Variants in LDB2 observed in about 807,000 individuals in gnomAD.
LDB2 encodes LIM domain binding 2.
A neutral mutation model predicts 44.3 loss-of-function variants in LDB2; 12 were observed. The observed-to-expected ratio is 0.27, with a 90% confidence interval of 0.17 to 0.44. LDB2 has a LOEUF of 0.44. Ranked by LOEUF, LDB2 falls within the 20% of genes least tolerant of loss-of-function variation. The pLI is 1.00. For synonymous variants in LDB2, 164 were observed against 174.8 expected, an observed-to-expected ratio of 0.94 and a Z score of 0.49; for missense variants, 344 against 473.5, an observed-to-expected ratio of 0.73 and a Z score of 2.54.
chr4:16,606,228 A>T (rs1339111948), intron 2 of LDB2, among the ~76,000 whole-genome samples: 2 of 152,238 alleles, frequency 1.3e-5, no homozygotes, highest in African/African-American at 2.4e-5. Context: ...ATGTTAGTGT[A>T]CATAAGAAGA....
At chr4:16,868,023 C>T (rs1047972761) in intron 1 of LDB2, among the ~76,000 whole-genome samples, 1 of 152,196 alleles carries the variant, frequency 6.6e-6, no homozygotes, top group South Asian at 2.1e-4. Context: ...GAAAGATTGT[C>T]ATTATAAAGC....
chr4:16,694,636 C>A (rs1751664188), intron 2 of LDB2, among the ~76,000 whole-genome samples: 1 of 151,492 alleles, frequency 6.6e-6, no homozygotes, highest in South Asian at 2.1e-4. Context: ...CGGCTTGAAA[C>A]TTATGATGGG....
chr4:16,575,356 T>TA (rs920151322), intron 5 of LDB2, among the ~76,000 whole-genome samples: 5 of 151,908 alleles, frequency 3.3e-5, no homozygotes, highest in South Asian at 2.1e-4. Context: ...ACATAATGCT[T>TA]AAAAAAAATA....
chr4:16,851,293 T>C (rs1013576742), intron 1 of LDB2, among the ~76,000 whole-genome samples: 3 of 151,772 alleles, frequency 2.0e-5, no homozygotes, highest in Non-Finnish European at 4.4e-5. Flanking sequence ...AAGGAGAGAA[T>C]GCAAAGGATT....
intron 2 of LDB2, among the ~76,000 whole-genome samples, chr4:16,757,067 C>G (rs1561120939): frequency 6.6e-6 from 1 of 152,108 alleles, no homozygotes; most frequent in Non-Finnish European, 1.5e-5. Context: ...CAGCTTCTAG[C>G]CCCAGGACAG....
At chr4:16,608,297 A>G (rs541420225) in intron 2 of LDB2, among the ~76,000 whole-genome samples, 1 of 152,196 alleles carries the variant, frequency 6.6e-6, no homozygotes, top group African/African-American at 2.4e-5. Flanking sequence ...GGAAATGAGA[A>G]GCAGTAAAAA....
chr4:16,837,318 C>T (rs1009936385), intron 1 of LDB2, among the ~76,000 whole-genome samples: 1 of 152,114 alleles, frequency 6.6e-6, no homozygotes, highest in African/African-American at 2.4e-5. Context: ...ATATGTGAAG[C>T]ATCAACTTCC....
At chr4:16,742,163 T>C (rs969300300) in intron 2 of LDB2, among the ~76,000 whole-genome samples, 1 of 151,086 alleles carries the variant, frequency 6.6e-6, no homozygotes, top group South Asian at 2.1e-4. Context: ...TCTCCGCCTT[T>C]CGGGTTCAAG....
At chr4:16,849,487 T>G (rs1458599612) in intron 1 of LDB2, among the ~76,000 whole-genome samples, 2 of 152,198 alleles carry the variant, frequency 1.3e-5, no homozygotes, top group Non-Finnish European at 2.9e-5. Context: ...CAGTTACACT[T>G]TATCATGACC....
At chr4:16,514,044 C>A (rs752488174) in intron 5 of LDB2, among the ~76,000 whole-genome samples, 22 of 152,182 alleles carry the variant, frequency 1.4e-4, no homozygotes, top group Non-Finnish European at 3.1e-4. Flanking sequence ...AACGGAGAGA[C>A]AAAGAAGAAT....
intron 2 of LDB2, among the ~76,000 whole-genome samples, chr4:16,710,228 GAAAA>G (rs964306375): frequency 1.3e-5 from 2 of 152,178 alleles, no homozygotes; most frequent in Non-Finnish European, 2.9e-5. Context: ...CATATCAGCT[GAAAA>G]CAGCAGGATG....
chr4:16,812,631 A>ATGTGTGTG (rs5856389), intron 1 of LDB2, among the ~76,000 whole-genome samples: 10,651 of 125,816 alleles, frequency 0.085, 530 homozygotes, highest in Non-Finnish European at 0.1. Flanking sequence ...TATTAAATAT[A>ATGTGTGTG]TGTGTGTGTG....
chr4:16,868,119 T>C (rs535839235), intron 1 of LDB2, among the ~76,000 whole-genome samples: 2 of 152,332 alleles, frequency 1.3e-5, no homozygotes, highest in South Asian at 2.1e-4. Flanking sequence ...TGGACCTTAA[T>C]AGATTATCTA....
intron 2 of LDB2, among the ~76,000 whole-genome samples, chr4:16,669,024 C>T (rs1744048964): frequency 6.6e-6 from 1 of 152,196 alleles, no homozygotes; most frequent in Non-Finnish European, 1.5e-5. Context: ...TCCCCCTGAG[C>T]TTCACAGACT....
At chr4:16,893,129 A>G in intron 1 of LDB2, 1 of 938,876 alleles carries the variant, frequency 1.1e-6, no homozygotes, top group Non-Finnish European at 1.3e-6. Flanking sequence ...GGAAGTTCTC[A>G]TTTTTAAAAC....
intron 1 of LDB2, among the ~76,000 whole-genome samples, chr4:16,895,033 ACT>A (rs1277655875): frequency 6.6e-6 from 1 of 151,384 alleles, no homozygotes; most frequent in Non-Finnish European, 1.5e-5. Context: ...AACATGAAGA[ACT>A]CTTTGTGATT....
chr4:16,871,251 C>A (rs1295301679), intron 1 of LDB2, among the ~76,000 whole-genome samples: 2 of 152,186 alleles, frequency 1.3e-5, no homozygotes, highest in Non-Finnish European at 2.9e-5. Context: ...CAACCCCACA[C>A]TTTGAATATA....
Position 16,769,607 on chromosome 4 carries a change from T to C in LDB2, c.133-10347A>G, listed in dbSNP as rs546419837. On this transcript the variant is annotated intron_variant, in intron 1 of 7. Transcript: ENST00000304523. The stretch of plus-strand genomic sequence containing the variant: ...CACTGTGCCCAGCCCTATGGGATTT[T>C]TTTTTTTTTTTTCTTAAACAACTCA... Among the ~76,000 whole-genome samples the C allele has an allele frequency of 3.3e-5, 5 of 152,192 alleles. No homozygotes were observed. In the South Asian group the frequency reaches 1.0e-3, roughly 32 times the overall value.
Position 16,564,473 on chromosome 4 carries a change from G to A in LDB2, c.615+21449C>T, listed in dbSNP as rs540908329. 2.0e-5 allele frequency among the ~76,000 whole-genome samples: 3 copies of A among 152,298 alleles called. No individual in the cohort carries two copies. The South Asian group carries it at 6.2e-4, about 32-fold the overall frequency. On this transcript the variant is annotated intron_variant, in intron 5 of 7. Coordinates refer to ENST00000304523, the MANE Select transcript of LDB2 (RefSeq NM_001290.5). The stretch of plus-strand genomic sequence containing the variant: ...TTCTTCCTGTCCGTATTCAGTGAAG[G>A]GGACCAGCATCCAGCCTGCTCTACA...
Sources: gnomAD v4.1 joint callset for allele counts (sites outside exome capture counted in the v4.1 genomes callset) on GRCh38, gnomAD v4.1.1 for gene constraint, MANE v1.5 for transcripts, NCBI Gene and HGNC (gene_info 2026-07-23, HGNC 2026-07-21) for gene names.